DCC: variants seen among roughly 807,000 people sequenced by gnomAD.
DCC encodes the protein netrin receptor DCC.
In DCC, 58 loss-of-function variants were observed where a neutral mutation model predicts 172.5. The observed-to-expected ratio is 0.34, with a 90% CI of 0.27 to 0.42. The LOEUF is 0.42. Among genes scored for constraint, DCC ranks in the 10% least tolerant of loss-of-function variants. The pLI is 1.00. For synonymous variants in DCC, 709 were observed against 644.5 expected (o/e 1.10, Z -1.52); for missense variants, 1,740 against 1,791.0 (o/e 0.97, Z 0.51).
intron 1 of DCC, among the ~76,000 whole-genome samples, chr18:52,660,350 G>A (rs2035335286): frequency 6.6e-6 from 1 of 151,918 alleles, no homozygotes; most frequent in Non-Finnish European, 1.5e-5. Context: ...TTGTGAAAGG[G>A]AGAATCCATG....
At chr18:52,345,748 TA>T (rs1328463999) in intron 1 of DCC, among the ~76,000 whole-genome samples, 3 of 152,228 alleles carry the variant, frequency 2.0e-5, no homozygotes, top group Non-Finnish European at 4.4e-5. Flanking sequence ...GGATTTGCCT[TA>T]AAAATAAATT....
At position 53,320,947 on chromosome 18, in the gene DCC, T is replaced by A. The variant is rs542679043; in HGVS notation, c.2054-1100T>A. The stretch of plus-strand genomic sequence containing the variant: ...GTGTTATAGATATTATGTAGGTGAA[T>A]TTATCAAATGGTCTAATAGTACCGT... On this transcript the variant is annotated intron_variant, in intron 13 of 28. Coordinates refer to ENST00000442544, the MANE Select transcript of DCC (RefSeq NM_005215.4). Among the ~76,000 whole-genome samples, 3 of 152,320 alleles carry A rather than the reference T, an allele frequency of 2.0e-5. No individual in the cohort carries two copies. The East Asian group carries it at 5.8e-4, about 29-fold the overall frequency.
intron 12 of DCC, among the ~76,000 whole-genome samples, chr18:53,295,947 T>G (rs1270389400): frequency 1.3e-5 from 2 of 152,152 alleles, no homozygotes; most frequent in African/African-American, 2.4e-5. Flanking sequence ...ATCCCAAGGT[T>G]TCTTCACTAC....
intron 1 of DCC, among the ~76,000 whole-genome samples, chr18:52,707,282 C>A (rs2036226409): frequency 6.6e-6 from 1 of 152,134 alleles, no homozygotes; most frequent in Non-Finnish European, 1.5e-5. Context: ...TTGACCATTT[C>A]AAGGTGAGTT....
intron 1 of DCC, among the ~76,000 whole-genome samples, chr18:52,416,331 GA>G (rs905220905): frequency 1.3e-5 from 2 of 151,658 alleles, no homozygotes; most frequent in African/African-American, 2.4e-5. Context: ...GTGTGGTGCT[GA>G]AAAAAATGTA....
intron 5 of DCC, among the ~76,000 whole-genome samples, chr18:52,978,159 A>G (rs2041153502): frequency 6.6e-6 from 1 of 152,090 alleles, no homozygotes; most frequent in African/African-American, 2.4e-5. Flanking sequence ...TGGTTTTGCC[A>G]TTGAAAAAGT....
rs559859514 is a variant in DCC, at chr18:53,034,212, C to T, written c.986-29093C>T. 7.9e-5 allele frequency among the ~76,000 whole-genome samples: 12 copies of T among 152,132 alleles called. No homozygotes were observed. In the East Asian group the frequency reaches 2.3e-3, roughly 30 times the overall value. Reference sequence around the variant, plus strand: ...GAGCTTTAGAGTCATATACACTCTGCTTAGATATCTAATAGATATCTCATG... The same window carrying T: ...GAGCTTTAGAGTCATATACACTCTGTTTAGATATCTAATAGATATCTCATG... On this transcript the variant is annotated intron_variant, in intron 5 of 28. Transcript: ENST00000442544.
chr18:53,157,478 T>C lies in DCC; in HGVS notation c.1384T>C (p.Phe462Leu). The C allele has an allele frequency of 6.2e-7, 1 of 1,614,116 alleles. No homozygotes were observed. The highest frequency in any genetic ancestry group is 8.5e-7 in the Non-Finnish European group (1 of 1,179,998). ...AGAAGCGAAAGGGAACATTCAAACTTTCACGGTCTTTTTCTCCAGAGAAGG... is the reference window on the plus strand; with the variant it reads ...AGAAGCGAAAGGGAACATTCAAACTCTCACGGTCTTTTTCTCCAGAGAAGG... The part of the protein sequence containing the change: ...PAEAKGNIQT[F>L]TVFFSREGDN... Residue 462 changes from phenylalanine to leucine, a missense_variant, in exon 8 of 29, where the codon TTC becomes CTC. Phe to Leu is a conservative substitution (Grantham distance 22). Around this residue, in one of 2 missense-constraint regions of DCC, gnomAD observed 1,732 missense variants for 1,767.4 expected, o/e 0.98. Transcript: ENST00000442544.
rs72925358 is a variant in DCC at position 53,313,050 on chromosome 18, G to A, written c.2053+7331G>A. On this transcript the variant is annotated intron_variant, in intron 13 of 28. Transcript: ENST00000442544. Reference sequence around the variant, plus strand: ...GGAAGAAGGAGGAAAGGGAAGAAGGGAGGGAAGGAAAGGGTGGAAAGGAAG... The same window carrying A: ...GGAAGAAGGAGGAAAGGGAAGAAGGAAGGGAAGGAAAGGGTGGAAAGGAAG... Among the ~76,000 whole-genome samples, 91 of 105,050 alleles carry A rather than the reference G, an allele frequency of 8.7e-4. No individual in the cohort carries two copies. In the East Asian group the frequency reaches 0.025, roughly 29 times the overall value. The allele number at this position is 105,050 out of a possible 152,430, so 68.9% of individuals were successfully genotyped here. A position where few individuals can be genotyped will look rare whatever the true frequency, so the allele number is the denominator to read the frequency against.
At chr18:53,119,193 C>A (rs1240233685) in intron 7 of DCC, among the ~76,000 whole-genome samples, 4 of 151,830 alleles carry the variant, frequency 2.6e-5, no homozygotes, top group African/African-American at 9.7e-5. Flanking sequence ...GGGTCAAGAT[C>A]TGCTTCTGGA....
Position 52,798,709 on chromosome 18 carries a change from G to T in DCC, c.412+46335G>T, listed in dbSNP as rs78956168. ...AAGGCAAAGGAGAATGCAGTGAGGT[G>T]GAAAAGCTGTATTTAGAGCCCCAAA... On this transcript the variant is annotated intron_variant, in intron 2 of 28. Transcript: ENST00000442544. 7.4e-4 allele frequency among the ~76,000 whole-genome samples: 112 copies of T among 152,018 alleles called. 4 individuals are homozygous for T. The South Asian group carries it at 0.021, about 29-fold the overall frequency.
In DCC at chr18:52,700,397, GCA is replaced by G. The variant is rs1328234442; in HGVS notation, c.92-51647_92-51646del. On this transcript the variant is annotated intron_variant, in intron 1 of 28. Coordinates refer to ENST00000442544, the MANE Select transcript of DCC (RefSeq NM_005215.4). ...CACACACATGCACACTCATGCACAT[GCA>G]CACACACACGCACATGCACACACAC... Among the ~76,000 whole-genome samples the G allele has an allele frequency of 5.4e-5, 8 of 148,720 alleles. No homozygotes were observed. In the East Asian group the frequency reaches 8.1e-4, roughly 15 times the overall value.
chr18:53,343,050 C>G (rs2057680329), intron 15 of DCC, among the ~76,000 whole-genome samples: 1 of 151,214 alleles, frequency 6.6e-6, no homozygotes. Context: ...GCTAAATTTA[C>G]CTATATATTC....
intron 2 of DCC, among the ~76,000 whole-genome samples, chr18:52,858,528 A>G (rs2039087845): frequency 6.6e-6 from 1 of 152,216 alleles, no homozygotes; most frequent in Non-Finnish European, 1.5e-5. Context: ...CAATTCTCCC[A>G]GGCTTTCCTA....
At chr18:52,607,483 T>C (rs2034158818) in intron 1 of DCC, among the ~76,000 whole-genome samples, 1 of 152,114 alleles carries the variant, frequency 6.6e-6, no homozygotes, top group African/African-American at 2.4e-5. Context: ...GAGCGTACTT[T>C]TTGGCAATAA....
intron 1 of DCC, among the ~76,000 whole-genome samples, chr18:52,664,625 C>T (rs1427410893): frequency 6.6e-6 from 1 of 151,726 alleles, no homozygotes; most frequent in East Asian, 1.9e-4. Context: ...CGCCCGCCAC[C>T]ATGCCCGGCT....
intron 1 of DCC, among the ~76,000 whole-genome samples, chr18:52,424,992 G>C (rs564061232): frequency 6.6e-6 from 1 of 151,530 alleles, no homozygotes; most frequent in Admixed American, 6.6e-5. Context: ...TGCATAGATG[G>C]CATACTGGTC....
In DCC at chr18:52,589,361, T is replaced by C. The variant is rs532900536; in HGVS notation, c.92-162693T>C. 2.7e-4 allele frequency among the ~76,000 whole-genome samples: 41 copies of C among 152,348 alleles called. 1 individual carries two copies. The South Asian group carries it at 5.8e-3, about 22-fold the overall frequency. On this transcript the variant is annotated intron_variant, in intron 1 of 28. Coordinates refer to ENST00000442544, the MANE Select transcript of DCC (RefSeq NM_005215.4). ...CTTATTTCTACTTTTACAAAATGAA[T>C]GTAGTGTTCTATGACACAAATAACC...
At chr18:52,403,422 C>T (rs932324989) in intron 1 of DCC, among the ~76,000 whole-genome samples, 4 of 151,962 alleles carry the variant, frequency 2.6e-5, no homozygotes, top group Non-Finnish European at 4.4e-5. Flanking sequence ...TCTGGGGCTT[C>T]TTGAGGGTCC....
Sources: gnomAD v4.1 joint callset for allele counts (sites outside exome capture counted in the v4.1 genomes callset) on GRCh38, gnomAD v4.1.1 for gene constraint, gnomAD v4.1.1 regional missense constraint, MANE v1.5 for transcripts, NCBI Gene and HGNC (gene_info 2026-07-23, HGNC 2026-07-21) for gene names.